Variants in NXPH1 observed in about 807,000 individuals in gnomAD.
NXPH1 encodes the protein neurexophilin-1.
Under a neutral mutation model 23.7 loss-of-function variants are expected in NXPH1, and 5 were observed. The ratio of observed to expected loss-of-function variants is 0.21; its 90% CI spans 0.11 to 0.44. The LOEUF is 0.44. NXPH1 is among the 20% of genes least tolerant of loss of function. NXPH1 has a pLI of 0.99. For missense variants in NXPH1, 324 were observed against 321.6 expected (o/e 1.01, Z -0.06); for synonymous variants, 144 against 122.2 (o/e 1.18, Z -1.18).
intron 2 of NXPH1, among the ~76,000 whole-genome samples, chr7:8,747,706 C>A (rs1037934775): frequency 7.2e-5 from 11 of 152,148 alleles, no homozygotes; most frequent in African/African-American, 2.2e-4. Flanking sequence ...GTGATAAGGG[C>A]AATGCTTATG....
intron 2 of NXPH1, among the ~76,000 whole-genome samples, chr7:8,671,946 G>C (rs572453746): frequency 6.6e-6 from 1 of 152,058 alleles, no homozygotes; most frequent in African/African-American, 2.4e-5. Context: ...TGATGGGGTT[G>C]TTTGTTTTTT....
intron 2 of NXPH1, among the ~76,000 whole-genome samples, chr7:8,531,003 T>C (rs1817941674): frequency 6.6e-6 from 1 of 152,170 alleles, no homozygotes; most frequent in Admixed American, 6.5e-5. Context: ...GTTTTATATG[T>C]TGTAGTTTAA....
At chr7:8,712,051 T>G (rs751262988) in intron 2 of NXPH1, among the ~76,000 whole-genome samples, 20 of 152,202 alleles carry the variant, frequency 1.3e-4, no homozygotes, top group Non-Finnish European at 2.6e-4. Context: ...AGCTCAAGGT[T>G]GTTCTTTGCC....
At chr7:8,554,712 C>A (rs947481018) in intron 2 of NXPH1, among the ~76,000 whole-genome samples, 10 of 151,622 alleles carry the variant, frequency 6.6e-5, no homozygotes, top group African/African-American at 2.4e-4. Context: ...ATTCTTTGGC[C>A]TTTTAAGTAT....
chr7:8,676,146 T>G (rs2115173138), intron 2 of NXPH1, among the ~76,000 whole-genome samples: 1 of 152,328 alleles, frequency 6.6e-6, no homozygotes, highest in Middle Eastern at 3.4e-3. Flanking sequence ...GCTGCTGTAC[T>G]TTACACACAG....
At chr7:8,502,561 G>A (rs1053117820) in intron 2 of NXPH1, among the ~76,000 whole-genome samples, 4 of 151,784 alleles carry the variant, frequency 2.6e-5, no homozygotes, top group Non-Finnish European at 5.9e-5. Flanking sequence ...AGCATTAGTG[G>A]TGTGACAAGG....
At chr7:8,724,998 A>G (rs1158835311) in intron 2 of NXPH1, among the ~76,000 whole-genome samples, 2 of 152,218 alleles carry the variant, frequency 1.3e-5, no homozygotes, top group African/African-American at 4.8e-5. Context: ...GTAACTGGTT[A>G]AGAGATCTGC....
At chr7:8,749,304 A>C (rs910487683) in intron 2 of NXPH1, among the ~76,000 whole-genome samples, 1 of 152,208 alleles carries the variant, frequency 6.6e-6, no homozygotes, top group African/African-American at 2.4e-5. Flanking sequence ...CAGATTCAGG[A>C]AACAGAGGCA....
At chr7:8,526,030 C>T (rs1193109425) in intron 2 of NXPH1, among the ~76,000 whole-genome samples, 1 of 152,186 alleles carries the variant, frequency 6.6e-6, no homozygotes, top group African/African-American at 2.4e-5. Flanking sequence ...GCACCATGCA[C>T]CTGGAAAAGC....
At chr7:8,537,973 C>G (rs17150797) in intron 2 of NXPH1, among the ~76,000 whole-genome samples, 40,964 of 151,752 alleles carry the variant, frequency 0.27, 6,747 homozygotes, top group Admixed American at 0.41. Context: ...TGATATGCTC[C>G]TCCATTTATA....
At chr7:8,612,885 C>T (rs1819650689) in intron 2 of NXPH1, among the ~76,000 whole-genome samples, 1 of 151,942 alleles carries the variant, frequency 6.6e-6, no homozygotes, top group African/African-American at 2.4e-5. Context: ...CCTTGTTTAC[C>T]TTACCTGAAG....
intron 2 of NXPH1, among the ~76,000 whole-genome samples, chr7:8,731,608 T>A (rs1583250948): frequency 6.6e-6 from 1 of 152,064 alleles, no homozygotes. Context: ...CTGTGTGAGG[T>A]GTCAGTCTGC....
At chr7:8,705,525 C>T (rs998632607) in intron 2 of NXPH1, among the ~76,000 whole-genome samples, 3 of 152,094 alleles carry the variant, frequency 2.0e-5, no homozygotes, top group African/African-American at 7.2e-5. Flanking sequence ...CCATTATGTC[C>T]TCATTTTATT....
chr7:8,655,394 TTGTC>T (rs1365363223), intron 2 of NXPH1, among the ~76,000 whole-genome samples: 26 of 40,188 alleles, frequency 6.5e-4, no homozygotes, highest in Non-Finnish European at 4.9e-5. Context: ...GTCTTTGTCT[TTGTC>T]TTTCTCTCTC....
Position 8,557,304 on chromosome 7 carries a change from CAAT to C in NXPH1, c.54+121538_54+121540del, listed in dbSNP as rs1301645980. Among the ~76,000 whole-genome samples, 175 of 149,238 alleles carry C rather than the reference CAAT, an allele frequency of 1.2e-3. 2 individuals are homozygous for C. Among genetic ancestry groups the C allele is most frequent in the African/African-American group, 3.9e-3 (153 of 39,472 alleles). On this transcript the variant is annotated intron_variant, in intron 2 of 2. Transcript: ENST00000405863. ...ACAACAACAACAACAACAACAACAACAATGTGATTAGACCCCTCTTCCTAAGGC... is the reference window on the plus strand; with the variant it reads ...ACAACAACAACAACAACAACAACAACGTGATTAGACCCCTCTTCCTAAGGC...
intron 2 of NXPH1, among the ~76,000 whole-genome samples, chr7:8,696,079 T>C (rs1004736521): frequency 1.3e-5 from 2 of 152,222 alleles, no homozygotes; most frequent in Non-Finnish European, 2.9e-5. Flanking sequence ...TATTCTTATC[T>C]CTGATATAAA....
intron 2 of NXPH1, among the ~76,000 whole-genome samples, chr7:8,517,721 A>C (rs1173256176): frequency 6.6e-6 from 1 of 152,128 alleles, no homozygotes; most frequent in Non-Finnish European, 1.5e-5. Context: ...AGGTCAGGGA[A>C]GTGGGGAGAG....
At chr7:8,637,695 G>A (rs1820241620) in intron 2 of NXPH1, among the ~76,000 whole-genome samples, 1 of 152,078 alleles carries the variant, frequency 6.6e-6, no homozygotes, top group South Asian at 2.1e-4. Context: ...AGCTACTTTG[G>A]CCTTTATTAA....
chr7:8,699,674 G>T (rs1352192075), intron 2 of NXPH1, among the ~76,000 whole-genome samples: 3 of 152,140 alleles, frequency 2.0e-5, no homozygotes, highest in Admixed American at 6.5e-5. Context: ...TTTTGATAGG[G>T]TTTTGATGAT....
Sources: allele counts gnomAD v4.1 joint callset (sites outside exome capture counted in the v4.1 genomes callset), GRCh38; gene constraint gnomAD v4.1.1; transcripts MANE v1.5; gene names NCBI Gene and HGNC (gene_info 2026-07-23, HGNC 2026-07-21).